SLIT1: variants seen among roughly 807,000 people sequenced by gnomAD.
SLIT1 encodes slit homolog 1 protein.
A neutral mutation model predicts 186.1 loss-of-function variants in SLIT1; 66 were observed. The observed-to-expected ratio is 0.35, with a 90% CI of 0.29 to 0.44. SLIT1 has a LOEUF of 0.44. SLIT1 is among the 20% of genes least tolerant of loss of function. SLIT1 has a pLI of 1.00. For missense variants in SLIT1, 1,638 were observed against 2,037.4 expected (o/e 0.80, Z 3.77); for synonymous variants, 761 against 833.8 (o/e 0.91, Z 1.50).
intron 4 of SLIT1, among the ~76,000 whole-genome samples, chr10:97,080,828 T>C (rs963348123): frequency 1.3e-5 from 2 of 152,218 alleles, no homozygotes. Flanking sequence ...TTAGCAAAAA[T>C]GGCATTTGGC....
intron 13 of SLIT1, among the ~76,000 whole-genome samples, chr10:97,049,863 G>A (rs1026136217): frequency 6.6e-6 from 1 of 152,248 alleles, no homozygotes; most frequent in Admixed American, 6.5e-5. Context: ...ATACGGGGAT[G>A]GTGGCGGGGA....
intron 1 of SLIT1, among the ~76,000 whole-genome samples, chr10:97,167,781 G>C (rs930156987): frequency 1.3e-5 from 2 of 152,186 alleles, no homozygotes; most frequent in African/African-American, 4.8e-5. Context: ...TTCCCATGCT[G>C]TTCTCGTGAT....
intron 4 of SLIT1, among the ~76,000 whole-genome samples, chr10:97,127,512 A>G (rs1849615506): frequency 6.6e-6 from 1 of 152,202 alleles, no homozygotes. Context: ...TCTCCTGAAC[A>G]GTGCCGGGTC....
At chr10:97,130,078 G>A (rs1269466072) in intron 4 of SLIT1, among the ~76,000 whole-genome samples, 1 of 152,246 alleles carries the variant, frequency 6.6e-6, no homozygotes, top group Non-Finnish European at 1.5e-5. Flanking sequence ...CAGGAGCCAA[G>A]TTCAGGGAAA....
chr10:97,178,403 G>A (rs891885032), intron 1 of SLIT1, among the ~76,000 whole-genome samples: 7 of 152,170 alleles, frequency 4.6e-5, no homozygotes, highest in Admixed American at 1.3e-4. Flanking sequence ...ACTGAGGAGC[G>A]TTCTGCAAAA....
At chr10:97,145,640 C>G (rs1849809323) in intron 4 of SLIT1, among the ~76,000 whole-genome samples, 2 of 152,250 alleles carry the variant, frequency 1.3e-5, no homozygotes, top group African/African-American at 4.8e-5. Flanking sequence ...GTGGCTGGAC[C>G]CGAGAAGACT....
At chr10:97,173,684 C>A (rs1383527919) in intron 1 of SLIT1, among the ~76,000 whole-genome samples, 1 of 152,012 alleles carries the variant, frequency 6.6e-6, no homozygotes, top group Non-Finnish European at 1.5e-5. Context: ...ATGGGTACAG[C>A]CTGGGGTTTC....
At chr10:97,178,258 AC>A (rs1850283082) in intron 1 of SLIT1, among the ~76,000 whole-genome samples, 1 of 152,234 alleles carries the variant, frequency 6.6e-6, no homozygotes, top group Admixed American at 6.5e-5. Flanking sequence ...AGATAAAATC[AC>A]CAATACTGGC....
intron 4 of SLIT1, among the ~76,000 whole-genome samples, chr10:97,069,604 A>G (rs1848984152): frequency 6.6e-6 from 1 of 152,188 alleles, no homozygotes; most frequent in Non-Finnish European, 1.5e-5. Context: ...CTCTGACCGG[A>G]TCTTAAAGAG....
chr10:97,131,828 C>T (rs1849657151), intron 4 of SLIT1, among the ~76,000 whole-genome samples: 1 of 152,236 alleles, frequency 6.6e-6, no homozygotes, highest in African/African-American at 2.4e-5. Flanking sequence ...GTGTGTATCA[C>T]TGCATTTGCT....
At chr10:97,057,825 AC>A (rs1848855253) in intron 11 of SLIT1, 4 of 562,084 alleles carry the variant, frequency 7.1e-6, no homozygotes, top group South Asian at 2.6e-5. Flanking sequence ...TTTTAAAAAA[AC>A]AAAAGTTCAA....
chr10:97,126,089 A>C (rs1253367820), intron 4 of SLIT1, among the ~76,000 whole-genome samples: 1 of 152,246 alleles, frequency 6.6e-6, no homozygotes, highest in Admixed American at 6.5e-5. Flanking sequence ...GAGATCTGGA[A>C]TAGGACAGAG....
At chr10:97,096,428 A>C (rs1265643973) in intron 4 of SLIT1, among the ~76,000 whole-genome samples, 7 of 138,596 alleles carry the variant, frequency 5.1e-5, no homozygotes, top group Admixed American at 2.1e-4. Flanking sequence ...CCTCCCCACC[A>C]CTCTCTGAGC....
intron 4 of SLIT1, among the ~76,000 whole-genome samples, chr10:97,137,364 A>G (rs1347355918): frequency 6.6e-6 from 1 of 152,198 alleles, no homozygotes; most frequent in East Asian, 1.9e-4. Context: ...AAAAATATCT[A>G]CAAATAATCA....
At chr10:97,119,343 G>C (rs2134685701) in intron 4 of SLIT1, among the ~76,000 whole-genome samples, 1 of 152,260 alleles carries the variant, frequency 6.6e-6, no homozygotes, top group Admixed American at 6.5e-5. Flanking sequence ...GGAAAGGGGC[G>C]GGGGAAGCTA....
At chr10:97,151,096 G>T (rs941260648) in intron 4 of SLIT1, among the ~76,000 whole-genome samples, 2 of 152,148 alleles carry the variant, frequency 1.3e-5, no homozygotes, top group African/African-American at 4.8e-5. Flanking sequence ...TGCTCTCAAA[G>T]AGCACTGATG....
rs139932006 is a variant in SLIT1, at chr10:96,998,271, G to A, written c.*2841C>T. 1 of 152,290 alleles carries A rather than the reference G, an allele frequency of 6.6e-6. No homozygotes were observed. Among genetic ancestry groups the A allele is most frequent in the Non-Finnish European group, 1.5e-5 (1 of 68,038 alleles). 9.4% of individuals were successfully genotyped at this position (152,290 alleles called of 1,614,324 possible). The stretch of plus-strand genomic sequence containing the variant: ...GTTGACTTTAACATATAAAAATACT[G>A]TAACAAAATGAAATACAAATATATA... On this transcript the variant is annotated 3_prime_UTR_variant, in exon 37 of 37. Transcript: ENST00000266058.
Position 97,067,124 on chromosome 10 carries a change from G to A in SLIT1, c.414-1038C>T, listed in dbSNP as rs533095079. On this transcript the variant is annotated intron_variant, in intron 4 of 36. Coordinates refer to ENST00000266058, the MANE Select transcript of SLIT1 (RefSeq NM_003061.3). Reference sequence around the variant, plus strand: ...TGCTCTTGTGGACTGCAGGCAACAGGGCACCTCCGAGAGCCTAGGCCACAG... The same window carrying A: ...TGCTCTTGTGGACTGCAGGCAACAGAGCACCTCCGAGAGCCTAGGCCACAG... Among the ~76,000 whole-genome samples the A allele has an allele frequency of 1.9e-4, 29 of 152,308 alleles. No homozygotes were observed. The South Asian group carries it at 5.8e-3, about 31-fold the overall frequency.
At chr10:97,041,222 T>C (rs1848687785) in intron 20 of SLIT1, among the ~76,000 whole-genome samples, 1 of 152,196 alleles carries the variant, frequency 6.6e-6, no homozygotes, top group African/African-American at 2.4e-5. Context: ...GGCAGCACGA[T>C]GCATTGGAGC....
Sources: gnomAD v4.1 joint callset for allele counts (sites outside exome capture counted in the v4.1 genomes callset) on GRCh38, gnomAD v4.1.1 for gene constraint, MANE v1.5 for transcripts, NCBI Gene and HGNC (gene_info 2026-07-23, HGNC 2026-07-21) for gene names.